Variants in ZBED6 observed in about 807,000 individuals in gnomAD.
ZBED6 encodes zinc finger BED-type containing 6, also known as zinc finger BED domain-containing protein 6.
ZBED6 carries 40 observed loss-of-function variants against 58.4 expected under a neutral mutation model. The observed-to-expected ratio is 0.68, with a 90% CI of 0.53 to 0.89. The LOEUF (loss-of-function observed/expected upper bound fraction) is 0.89. Ranked by LOEUF, ZBED6 falls within the 40% of genes least tolerant of loss-of-function variation. ZBED6 has a pLI of 0.00. For synonymous variants in ZBED6, 439 were observed against 350.6 expected, an observed-to-expected ratio of 1.25 and a Z score of -2.82; for missense variants, 1,057 against 1,003.9, an observed-to-expected ratio of 1.05 and a Z score of -0.71.
chr1:203,823,339 A>G (rs1170154256), intron 3 of ZBED6, among the ~76,000 whole-genome samples: 1 of 152,218 alleles, frequency 6.6e-6, no homozygotes, highest in Non-Finnish European at 1.5e-5. Flanking sequence ...CTCTTTTCCT[A>G]GTCATGAAAA....
Position 203,799,084 on chromosome 1 carries a change from A to AG in ZBED6, c.1563dup (p.Trp522ValfsTer11). ...AATGGCAGGATCCCCGATTTTAGAA[A>AG]GTGGGCAGTGCTTTGTGTTACAGGT... On this transcript the variant is annotated frameshift_variant, in exon 1 of 17. Transcript: ENST00000550078. LOFTEE classifies it high-confidence loss of function. 6.5e-7 allele frequency: 1 copy of AG among 1,536,118 alleles called. No homozygotes were observed. The highest frequency in any genetic ancestry group is 1.2e-5 in the South Asian group (1 of 84,066).
At chr1:203,819,759 C>G (rs1227165702) in intron 3 of ZBED6, among the ~76,000 whole-genome samples, 1 of 149,570 alleles carries the variant, frequency 6.7e-6, no homozygotes, top group Non-Finnish European at 1.5e-5. Context: ...GTCTCGAACT[C>G]CTGATCTCTG....
At chr1:203,845,953 G>A (rs1687773240) in intron 11 of ZBED6, among the ~76,000 whole-genome samples, 1 of 151,928 alleles carries the variant, frequency 6.6e-6, no homozygotes, top group Non-Finnish European at 1.5e-5. Flanking sequence ...ATACTCAGGA[G>A]TTTGGAAAGT....
chr1:203,831,267 T>G (rs1401945091), intron 7 of ZBED6, among the ~76,000 whole-genome samples: 1 of 152,114 alleles, frequency 6.6e-6, no homozygotes, highest in Non-Finnish European at 1.5e-5. Context: ...AAACCTTCTT[T>G]TAAGGCTTGC....
At chr1:203,829,411 A>G (rs1381414178) in intron 4 of ZBED6, 40 bp from the exon 5 acceptor site, 2 of 1,610,100 alleles carry the variant, frequency 1.2e-6, no homozygotes, top group South Asian at 2.2e-5. Context: ...TTGGGGTTGT[A>G]TCTTCTGTTT....
chr1:203,810,130 T>C (rs371580109), intron 1 of ZBED6, among the ~76,000 whole-genome samples: 1 of 151,952 alleles, frequency 6.6e-6, no homozygotes, highest in Admixed American at 6.6e-5. Context: ...GAGTGGTGTT[T>C]TTTTTGTTTT....
At chr1:203,845,043 C>T (rs1382160126) in intron 11 of ZBED6, among the ~76,000 whole-genome samples, 1 of 152,074 alleles carries the variant, frequency 6.6e-6, no homozygotes, top group South Asian at 2.1e-4. Context: ...CCCACCGTTG[C>T]TTTTAATATT....
intron 3 of ZBED6, among the ~76,000 whole-genome samples, chr1:203,819,089 T>TACACAC (rs200302232): frequency 0.028 from 3,913 of 140,954 alleles, 77 homozygotes; most frequent in African/African-American, 0.059. Context: ...TATATATATA[T>TACACAC]ACACACACAC....
exon 1 of ZBED6, chr1:203,797,258 TGAG>T (rs1186435230): frequency 3.9e-6 from 1 of 258,054 alleles, no homozygotes; most frequent in African/African-American, 2.3e-5. Flanking sequence ...TTCTGTAACA[TGAG>T]GACACTGGAC....
chr1:203,815,318 G>T (rs1023445260), intron 1 of ZBED6, among the ~76,000 whole-genome samples: 1 of 134,554 alleles, frequency 7.4e-6, no homozygotes, highest in African/African-American at 2.8e-5. Flanking sequence ...GGGTTCAAGT[G>T]ATTCTTGTGC....
exon 15 of ZBED6, chr1:203,850,532 G>C (rs939503971): frequency 1.9e-6 from 3 of 1,613,792 alleles, no homozygotes; most frequent in Admixed American, 1.7e-5. Context: ...CAAAGTGAAC[G>C]TGAAGCCATC....
In ZBED6 at chr1:203,797,411, C is replaced by A. The variant is rs947656118; in HGVS notation, c.-112C>A. On this transcript the variant is annotated 5_prime_UTR_variant, in exon 1 of 17. Coordinates refer to ENST00000550078, the Ensembl canonical transcript of ZBED6. ...TTATTGGTCCAGTGGGAATTTGATT[C>A]CCCATAGAAACTGGAGAAAAGGTAA... is the stretch of plus-strand genomic sequence containing the variant. 3.2e-5 allele frequency: 34 copies of A among 1,050,408 alleles called. No individual in the cohort carries two copies. In the African/African-American group the frequency reaches 4.7e-4, roughly 15 times the overall value. 65.1% of individuals were successfully genotyped at this position (1,050,408 alleles called of 1,614,324 possible). A position where few individuals can be genotyped will look rare whatever the true frequency, so the allele number is the denominator to read the frequency against.
At chr1:203,828,784 A>G (rs1681360569) in intron 4 of ZBED6, among the ~76,000 whole-genome samples, 2 of 152,340 alleles carry the variant, frequency 1.3e-5, no homozygotes, top group South Asian at 4.1e-4. Context: ...ATTCATTTAC[A>G]TATTTTCTAT....
exon 1 of ZBED6, chr1:203,800,714 A>G (rs1183538401): frequency 6.4e-6 from 2 of 314,460 alleles, no homozygotes; most frequent in Non-Finnish European, 5.7e-6. Context: ...TTTAATTAAA[A>G]AAAATATAGT....
At chr1:203,815,581 T>C (rs1676102315) in intron 1 of ZBED6, among the ~76,000 whole-genome samples, 1 of 152,128 alleles carries the variant, frequency 6.6e-6, no homozygotes, top group Admixed American at 6.6e-5. Flanking sequence ...TTAATACTTT[T>C]ACATATTATA....
exon 1 of ZBED6, chr1:203,800,086 G>A (rs1206921529): frequency 6.5e-7 from 1 of 1,536,086 alleles, no homozygotes; most frequent in East Asian, 2.4e-5. Context: ...GCCCTTGGAA[G>A]CAAAAGCTTC....
At position 203,843,014 on chromosome 1, in the gene ZBED6, C is replaced by T. The variant is rs566504717; in HGVS notation, c.*3741+2640C>T. 7.9e-5 allele frequency among the ~76,000 whole-genome samples: 12 copies of T among 151,338 alleles called. No individual in the cohort carries two copies. The South Asian group carries it at 2.5e-3, about 32-fold the overall frequency. On this transcript the variant is annotated intron_variant, in intron 11 of 16. Transcript: ENST00000550078. ...TCTATTTATGAATGCTGTTAGCCAC[C>T]TTAGGTTACTTTTTATCCCCCATCC...
At chr1:203,829,998 C>A in intron 6 of ZBED6, 102 bp downstream of exon 6, 1 of 1,312,870 alleles carries the variant, frequency 7.6e-7, no homozygotes, top group Non-Finnish European at 1.1e-6. Flanking sequence ...CCATGCTACA[C>A]GCATACTTAC....
intron 3 of ZBED6, among the ~76,000 whole-genome samples, chr1:203,822,222 TATTTG>T (rs1679021951): frequency 1.3e-5 from 2 of 152,150 alleles, no homozygotes; most frequent in African/African-American, 4.8e-5. Context: ...TACTTTTATT[TATTTG>T]ATCAGTCTAC....
Sources: gnomAD v4.1 joint callset for allele counts (sites outside exome capture counted in the v4.1 genomes callset) on GRCh38, gnomAD v4.1.1 for gene constraint, MANE v1.5 for transcripts, NCBI Gene and HGNC (gene_info 2026-07-23, HGNC 2026-07-21) for gene names.